The following DOK6 variants were observed in gnomAD, a reference collection of about 807,000 sequenced individuals.
DOK6 encodes the protein downstream of tyrosine kinase 6.
DOK6 carries 22 observed loss-of-function variants against 44.0 expected under a neutral mutation model. The ratio of observed to expected loss-of-function variants is 0.50; its 90% confidence interval spans 0.36 to 0.71. The LOEUF (loss-of-function observed/expected upper bound fraction) is 0.71. Among genes scored for constraint, DOK6 ranks in the 30% least tolerant of loss-of-function variants. The pLI is 0.00. For synonymous variants in DOK6, 166 were observed against 145.5 expected, an observed-to-expected ratio of 1.14 and a Z score of -1.01; for missense variants, 340 against 416.4, an observed-to-expected ratio of 0.82 and a Z score of 1.60.
intron 1 of DOK6, among the ~76,000 whole-genome samples, chr18:69,507,952 AG>A (rs1463709139): frequency 6.6e-6 from 1 of 152,090 alleles, no homozygotes; most frequent in African/African-American, 2.4e-5. Flanking sequence ...TCCCAGACTT[AG>A]GGGAAAAGTG....
At chr18:69,484,187 T>A (rs1169805892) in intron 1 of DOK6, among the ~76,000 whole-genome samples, 1 of 152,014 alleles carries the variant, frequency 6.6e-6, no homozygotes, top group Non-Finnish European at 1.5e-5. Context: ...GTCTCTAAAA[T>A]CCGAGACTGG....
At chr18:69,516,842 A>ATTTT (rs34387851) in intron 1 of DOK6, among the ~76,000 whole-genome samples, 2 of 140,024 alleles carry the variant, frequency 1.4e-5, no homozygotes, top group Non-Finnish European at 3.1e-5. Flanking sequence ...CGCACGGCTA[A>ATTTT]TTTTTTTTTT....
At position 69,833,967 on chromosome 18, in the gene DOK6, T is replaced by C. The variant is rs117742044; in HGVS notation, c.857-7277T>C. On this transcript the variant is annotated intron_variant, in intron 7 of 7. Transcript: ENST00000382713. ...CAAGTGTTGTGGGAATATTAAGTAG[T>C]ACAGCTATTATGGAAAATAAAATGG... 3.5e-4 allele frequency among the ~76,000 whole-genome samples: 53 copies of C among 152,294 alleles called. 1 individual carries two copies. The East Asian group carries it at 9.8e-3, about 28-fold the overall frequency.
At chr18:69,810,162 C>T (rs1981179455) in intron 7 of DOK6, among the ~76,000 whole-genome samples, 1 of 151,924 alleles carries the variant, frequency 6.6e-6, no homozygotes, top group Non-Finnish European at 1.5e-5. Context: ...GAATAGAGAG[C>T]TCAGAAATAA....
chr18:69,806,322 G>T (rs1461893986), intron 7 of DOK6, among the ~76,000 whole-genome samples: 1 of 151,930 alleles, frequency 6.6e-6, no homozygotes, highest in Non-Finnish European at 1.5e-5. Flanking sequence ...ATGTTCAGAA[G>T]CATGCTAATT....
chr18:69,813,367 A>G (rs1180748666), intron 7 of DOK6, among the ~76,000 whole-genome samples: 1 of 152,148 alleles, frequency 6.6e-6, no homozygotes, highest in African/African-American at 2.4e-5. Context: ...TCAAAATAGT[A>G]TTTAATGAAA....
intron 6 of DOK6, among the ~76,000 whole-genome samples, chr18:69,745,821 A>C (rs1201457394): frequency 6.6e-6 from 1 of 152,252 alleles, no homozygotes; most frequent in Non-Finnish European, 1.5e-5. Context: ...GCTAATTCAT[A>C]AGATGGCTAG....
intron 3 of DOK6, among the ~76,000 whole-genome samples, chr18:69,642,615 A>T (rs559451900): frequency 1.3e-5 from 2 of 152,198 alleles, no homozygotes; most frequent in East Asian, 1.9e-4. Flanking sequence ...TTTATTTCAA[A>T]ATATTGACAT....
At chr18:69,567,273 T>C (rs1983006226) in intron 2 of DOK6, among the ~76,000 whole-genome samples, 2 of 152,118 alleles carry the variant, frequency 1.3e-5, no homozygotes, top group South Asian at 4.1e-4. Context: ...CTTCACTTCT[T>C]GATAACATAA....
rs758985105 is a variant in DOK6, at chr18:69,698,374, T to C, written c.410-30T>C. ...ATAGACACTCACACCTCTTTTCACT[T>C]AACCTTCTCCATTCTTCGTCTCTTC... On this transcript the variant is annotated intron_variant, in intron 4 of 7. Transcript: ENST00000382713. 7 of 1,576,994 alleles carry C rather than the reference T, an allele frequency of 4.4e-6. No individual in the cohort carries two copies. The East Asian group carries it at 1.6e-4, about 36-fold the overall frequency.
intron 5 of DOK6, among the ~76,000 whole-genome samples, chr18:69,714,950 C>T (rs1161064109): frequency 6.6e-6 from 1 of 152,064 alleles, no homozygotes; most frequent in Non-Finnish European, 1.5e-5. Flanking sequence ...TAGAAAATTA[C>T]TTTGTATATT....
intron 3 of DOK6, among the ~76,000 whole-genome samples, chr18:69,654,387 G>GAC (rs147962404): frequency 6.6e-6 from 1 of 151,978 alleles, no homozygotes; most frequent in Non-Finnish European, 1.5e-5. Context: ...TGCAGACACA[G>GAC]ACACACACAC....
At chr18:69,793,526 G>C (rs1980659044) in intron 7 of DOK6, among the ~76,000 whole-genome samples, 1 of 152,088 alleles carries the variant, frequency 6.6e-6, no homozygotes, top group Admixed American at 6.6e-5. Flanking sequence ...TGGTTGCATT[G>C]ACACCTATAT....
chr18:69,815,541 C>T (rs1185405405), intron 7 of DOK6, among the ~76,000 whole-genome samples: 1 of 152,140 alleles, frequency 6.6e-6, no homozygotes, highest in East Asian at 1.9e-4. Context: ...TACGATCATG[C>T]TTTCACATAA....
chr18:69,537,465 A>G (rs1982155375), intron 1 of DOK6, among the ~76,000 whole-genome samples: 1 of 152,196 alleles, frequency 6.6e-6, no homozygotes, highest in Non-Finnish European at 1.5e-5. Flanking sequence ...TTCAAGCTGG[A>G]ATCCTTTCAT....
intron 3 of DOK6, among the ~76,000 whole-genome samples, chr18:69,617,518 AGAAAGAAAG>A (rs1984322619): frequency 4.1e-5 from 1 of 24,390 alleles, no homozygotes; most frequent in Non-Finnish European, 9.9e-5. Flanking sequence ...AAGAAAGAAA[AGAAAGAAAG>A]GAAAGAAAGA....
At chr18:69,742,934 A>C (rs1258734970) in intron 6 of DOK6, among the ~76,000 whole-genome samples, 2 of 152,230 alleles carry the variant, frequency 1.3e-5, no homozygotes, top group African/African-American at 4.8e-5. Context: ...TAATCAACTT[A>C]TTGGAGTCGG....
chr18:69,483,204 C>T (rs1441746540), intron 1 of DOK6, among the ~76,000 whole-genome samples: 4 of 151,908 alleles, frequency 2.6e-5, no homozygotes, highest in African/African-American at 9.7e-5. Context: ...CATATCCCTG[C>T]ATGAACCTAT....
chr18:69,744,407 G>A (rs1190159061), intron 6 of DOK6, among the ~76,000 whole-genome samples: 1 of 151,390 alleles, frequency 6.6e-6, no homozygotes, highest in African/African-American at 2.4e-5. Context: ...CATAAGATTA[G>A]AGCTTTTGAT....
Sources: allele counts gnomAD v4.1 joint callset (sites outside exome capture counted in the v4.1 genomes callset), GRCh38; gene constraint gnomAD v4.1.1; transcripts MANE v1.5; gene names NCBI Gene and HGNC (gene_info 2026-07-23, HGNC 2026-07-21).